TNNI3K: variants seen among roughly 807,000 people sequenced by gnomAD.
The protein encoded by TNNI3K is TNNI3 interacting kinase.
TNNI3K carries 140 observed loss-of-function variants against 114.5 expected under a neutral mutation model. That is an observed-to-expected ratio of 1.22 (90% CI 1.07 to 1.41). The LOEUF is 1.41. Among genes scored for constraint, TNNI3K ranks in the 40% most tolerant of loss-of-function variants. The pLI is 0.00. For synonymous variants in TNNI3K, 347 were observed against 347.5 expected (o/e 1.00, Z 0.02); for missense variants, 1,125 against 1,007.6 (o/e 1.12, Z -1.58).
chr1:74,401,875 T>A (rs577812800), intron 17 of TNNI3K: 8 of 454,784 alleles, frequency 1.8e-5, no homozygotes, highest in African/African-American at 1.2e-4. Flanking sequence ...TCACCCATAG[T>A]ATTTGCATCT....
At chr1:74,465,846 A>T (rs556342065) in intron 21 of TNNI3K, among the ~76,000 whole-genome samples, 5 of 152,138 alleles carry the variant, frequency 3.3e-5, no homozygotes, top group Admixed American at 3.3e-4. Flanking sequence ...AAACGGACCA[A>T]TCAGCTCTCT....
At chr1:74,314,373 C>T (rs907061779) in intron 5 of TNNI3K, among the ~76,000 whole-genome samples, 3 of 151,874 alleles carry the variant, frequency 2.0e-5, no homozygotes, top group Admixed American at 6.6e-5. Flanking sequence ...TAACAAAGAA[C>T]ATTTTGTCAA....
At chr1:74,292,892 T>C (rs1657767943) in intron 5 of TNNI3K, among the ~76,000 whole-genome samples, 1 of 151,654 alleles carries the variant, frequency 6.6e-6, no homozygotes, top group Admixed American at 6.6e-5. Flanking sequence ...TTTAACATGG[T>C]TTATAGTTTC....
At chr1:74,353,743 A>G (rs916612572) in intron 10 of TNNI3K, among the ~76,000 whole-genome samples, 4 of 152,108 alleles carry the variant, frequency 2.6e-5, no homozygotes, top group Non-Finnish European at 5.9e-5. Flanking sequence ...TAGAAATACT[A>G]TAATTGTACT....
At chr1:74,542,199 A>G (rs1057357348) in intron 24 of TNNI3K, among the ~76,000 whole-genome samples, 1 of 152,226 alleles carries the variant, frequency 6.6e-6, no homozygotes, top group Non-Finnish European at 1.5e-5. Flanking sequence ...TCCTGAGGGT[A>G]GAGCCCACCC....
intron 23 of TNNI3K, among the ~76,000 whole-genome samples, chr1:74,492,980 C>T (rs1385471888): frequency 6.6e-6 from 1 of 152,148 alleles, no homozygotes; most frequent in Non-Finnish European, 1.5e-5. Context: ...AGGGAGAGCT[C>T]TAGTGTCCCT....
intron 21 of TNNI3K, chr1:74,480,054 C>A: frequency 1.6e-6 from 1 of 620,478 alleles, no homozygotes; most frequent in East Asian, 2.7e-5. Context: ...CTTTCCATAG[C>A]CCTGGCAACC....
intron 5 of TNNI3K, among the ~76,000 whole-genome samples, chr1:74,315,044 A>G (rs1020577178): frequency 2.6e-5 from 4 of 152,164 alleles, no homozygotes; most frequent in African/African-American, 9.6e-5. Flanking sequence ...GAAGAACATT[A>G]CCGGAAAGAA....
At position 74,524,363 on chromosome 1, in the gene TNNI3K, A is replaced by T. The variant is rs45586837; in HGVS notation, c.2352-15871A>T. Among the ~76,000 whole-genome samples, 882 of 152,282 alleles carry T rather than the reference A, an allele frequency of 5.8e-3. 5 individuals carry two copies. The highest frequency in any genetic ancestry group is 0.02 in the African/African-American group (844 of 41,562). On this transcript the variant is annotated intron_variant, in intron 23 of 24. Transcript: ENST00000326637. The stretch of plus-strand genomic sequence containing the variant: ...CTTGGCCCATTAGATAGCAAAGTGC[A>T]AGTCTTCTGCACCTGACACTGTGCG...
At position 74,439,522 on chromosome 1, in the gene TNNI3K, G is replaced by A. The variant is rs182792522; in HGVS notation, c.1911G>A (p.Thr637=). The stretch of plus-strand genomic sequence containing the variant: ...GTTGGATGGCTCCTGAGGTGTTCAC[G>A]CAGTGCACTCGGTACACCATCAAAG... ...NLRWMAPEVF[T]QCTRYTIKAD... Residue 637 remains threonine (T), a synonymous_variant, in exon 20 of 25, where the codon ACG becomes ACA. Coordinates refer to ENST00000326637, the MANE Select transcript of TNNI3K (RefSeq NM_015978.3). The A allele has an allele frequency of 2.4e-5, 39 of 1,613,338 alleles. No individual in the cohort carries two copies. The African/African-American group carries it at 2.7e-4, about 11-fold the overall frequency.
chr1:74,518,151 T>C (rs10493544), intron 23 of TNNI3K, among the ~76,000 whole-genome samples: 62,188 of 151,914 alleles, frequency 0.41, 15,251 homozygotes, highest in Non-Finnish European at 0.56. Context: ...GAAATGATAA[T>C]AGATGTTGAG....
intron 17 of TNNI3K, among the ~76,000 whole-genome samples, chr1:74,392,027 A>T (rs191753513): frequency 7.5e-6 from 1 of 133,786 alleles, no homozygotes; most frequent in Non-Finnish European, 1.5e-5. Context: ...GTGCAGTGGC[A>T]GGATCTTGGC....
At chr1:74,336,176 T>C (rs1275561118) in intron 7 of TNNI3K, 27 bp downstream of exon 7, 1 of 1,582,620 alleles carries the variant, frequency 6.3e-7, no homozygotes, top group Non-Finnish European at 8.5e-7. Context: ...AAAAGACCTT[T>C]GCTATCATTT....
In TNNI3K at chr1:74,436,139, T is replaced by A; in HGVS notation, c.1825+7T>A. 1 of 1,512,258 alleles carries A rather than the reference T, an allele frequency of 6.6e-7. No homozygotes were observed. The highest frequency in any genetic ancestry group is 9.2e-7 in the Non-Finnish European group (1 of 1,091,282). 93.7% of individuals were successfully genotyped at this position (1,512,258 alleles called of 1,614,324 possible). A position where few individuals can be genotyped will look rare whatever the true frequency, so the allele number is the denominator to read the frequency against. On this transcript the variant is annotated splice_region_variant and intron_variant, in intron 18 of 24. Coordinates refer to ENST00000326637, the MANE Select transcript of TNNI3K (RefSeq NM_015978.3). ...GTGGTGGCAGATTTTGGAGGTGAGA[T>A]ACCCCAAAATGGCATCCTTTTTTTC...
At chr1:74,250,883 A>G (rs1654890794) in intron 4 of TNNI3K, 114 bp downstream of exon 4, 2 of 900,784 alleles carry the variant, frequency 2.2e-6, no homozygotes, top group East Asian at 6.0e-5. Context: ...CAGTGACCAG[A>G]GGCGTTACAT....
intron 23 of TNNI3K, among the ~76,000 whole-genome samples, chr1:74,502,522 A>G (rs1669684735): frequency 6.6e-6 from 1 of 152,204 alleles, no homozygotes. Context: ...CTATCTCTGG[A>G]GACTTAACTT....
intron 17 of TNNI3K, chr1:74,418,308 G>T (rs1027565899): frequency 2.9e-6 from 1 of 340,920 alleles, no homozygotes; most frequent in South Asian, 2.2e-5. Flanking sequence ...AGCCATAGAA[G>T]CCTGCCTCTA....
At chr1:74,319,247 A>G (rs1282402733) in intron 5 of TNNI3K, among the ~76,000 whole-genome samples, 1 of 152,196 alleles carries the variant, frequency 6.6e-6, no homozygotes, top group Non-Finnish European at 1.5e-5. Flanking sequence ...CAAAGTTACC[A>G]TGTGTTTCTA....
At chr1:74,470,153 C>T (rs1667853768) in intron 21 of TNNI3K, 1 of 400,712 alleles carries the variant, frequency 2.5e-6, no homozygotes, top group Non-Finnish European at 4.4e-6. Context: ...GGATCTACTT[C>T]ACTGCAAAGT....
Sources: allele counts gnomAD v4.1 joint callset (sites outside exome capture counted in the v4.1 genomes callset), GRCh38; gene constraint gnomAD v4.1.1; transcripts MANE v1.5; gene names NCBI Gene and HGNC (gene_info 2026-07-23, HGNC 2026-07-21).